NRG2: variants seen among roughly 807,000 people sequenced by gnomAD.
The protein encoded by NRG2 is pro-neuregulin-2, membrane-bound isoform.
A neutral mutation model predicts 73.9 loss-of-function variants in NRG2; 27 were observed. The observed-to-expected ratio is 0.37, with a 90% confidence interval of 0.27 to 0.50. NRG2 has a LOEUF of 0.50. NRG2 is among the 20% of genes least tolerant of loss of function. The pLI, the probability that NRG2 is intolerant of heterozygous loss-of-function variation, is 0.96. For missense variants in NRG2, 1,126 were observed against 1,210.1 expected, an observed-to-expected ratio of 0.93 and a Z score of 1.03; for synonymous variants, 532 against 541.0, an observed-to-expected ratio of 0.98 and a Z score of 0.23.
rs943144791 is a variant in NRG2, at chr5:139,871,705, C to T, written c.1112+16G>A. The T allele has an allele frequency of 2.7e-5, 44 of 1,613,646 alleles. No homozygotes were observed. The highest frequency in any genetic ancestry group is 3.6e-5 in the Non-Finnish European group (43 of 1,179,784). On this transcript the variant is annotated intron_variant, in intron 4 of 9. Coordinates refer to ENST00000361474, the MANE Select transcript of NRG2 (RefSeq NM_004883.3). ...CCCTGTTCTTGCTCCCATGCCCACCCCTACTGGTCACTTACTTGCAGGAGA... is the reference window on the plus strand; with the variant it reads ...CCCTGTTCTTGCTCCCATGCCCACCTCTACTGGTCACTTACTTGCAGGAGA...
intron 5 of NRG2, among the ~76,000 whole-genome samples, chr5:139,858,887 C>G (rs1761967947): frequency 2.0e-5 from 3 of 152,198 alleles, no homozygotes; most frequent in Admixed American, 2.0e-4. Flanking sequence ...CTCTTACACA[C>G]AAACTTTGCA....
intron 1 of NRG2, among the ~76,000 whole-genome samples, chr5:140,000,350 G>C (rs1163157139): frequency 6.6e-6 from 1 of 152,122 alleles, no homozygotes; most frequent in Admixed American, 6.6e-5. Flanking sequence ...TCCCTTCCTC[G>C]AGCTTTTGCA....
intron 1 of NRG2, among the ~76,000 whole-genome samples, chr5:140,015,375 T>C (rs10477266): frequency 0.021 from 3,153 of 152,246 alleles, 114 homozygotes; most frequent in African/African-American, 0.068. Context: ...TAGCACATGA[T>C]AGATGCCTAC....
chr5:139,886,064 A>C (rs1398464542), intron 2 of NRG2, among the ~76,000 whole-genome samples: 1 of 152,004 alleles, frequency 6.6e-6, no homozygotes, highest in Non-Finnish European at 1.5e-5. Flanking sequence ...GGACATATAG[A>C]ACCCCCCACT....
At chr5:139,876,013 T>C (rs2127087985) in intron 3 of NRG2, among the ~76,000 whole-genome samples, 1 of 152,324 alleles carries the variant, frequency 6.6e-6, no homozygotes, top group East Asian at 1.9e-4. Context: ...TGAAAACCTA[T>C]GCTCACACAA....
intron 1 of NRG2, among the ~76,000 whole-genome samples, chr5:140,011,979 T>A (rs1345156881): frequency 1.3e-5 from 2 of 152,152 alleles, no homozygotes; most frequent in African/African-American, 2.4e-5. Context: ...TACTACTTAA[T>A]ACAGCCCCCA....
In NRG2 at chr5:139,884,202, T is replaced by C. The variant is rs1344417209; in HGVS notation, c.872+3138A>G. Among the ~76,000 whole-genome samples the C allele has an allele frequency of 2.6e-5, 4 of 152,140 alleles. No homozygotes were observed. In the East Asian group the frequency reaches 7.7e-4, roughly 29 times the overall value. ...TGCTGGAAGGAGAGACAGATCCCTC[T>C]ACAAAGCAATGAAGCCATGTCTAAG... is the stretch of plus-strand genomic sequence containing the variant. On this transcript the variant is annotated intron_variant, in intron 2 of 9. Transcript: ENST00000361474.
chr5:140,043,029 A>G lies in NRG2; in HGVS notation c.41T>C (p.Leu14Pro), dbSNP rs1282039940. 4 of 1,537,834 alleles carry G rather than the reference A, an allele frequency of 2.6e-6. No homozygotes were observed. The highest frequency in any genetic ancestry group is 1.4e-5 in the African/African-American group (1 of 72,830). ...VCCSALPPPP[L>P]EKGRCSSYSD... ...GTAGCTGCTGCACCGACCCTTCTCC[A>G]GTGGCGGCGGCGGCAGCGCTGAGCA... Residue 14 changes from leucine to proline, a missense_variant, in exon 1 of 10, where the codon CTG becomes CCG. Transcript: ENST00000361474. This position sits in a 1 kb window ranked among gnomAD's most constrained non-coding sequence, Gnocchi z 6.7.
Position 139,852,974 on chromosome 5 carries a change from T to G in NRG2, c.1346A>C (p.His449Pro). ...NHLRQNMCPA[H>P]QNRSLANGPS... ...CCCATTGGCCAAGCTCCGGTTCTGATGGGCCGGGCACATGTTCTGCCGGAG... is the reference window on the plus strand; with the variant it reads ...CCCATTGGCCAAGCTCCGGTTCTGAGGGGCCGGGCACATGTTCTGCCGGAG... Residue 449 changes from histidine to proline, a missense_variant, in exon 7 of 10, where the codon CAT becomes CCT. His to Pro is a moderately conservative substitution (Grantham distance 77). This residue lies in a region of NRG2 where 539 missense variants were observed against 703.2 expected (regional missense o/e 0.77). Transcript: ENST00000361474. The surrounding 1 kb of genome is among the most constrained non-coding windows in gnomAD (Gnocchi z 4.4). 1 of 1,613,254 alleles carries G rather than the reference T, an allele frequency of 6.2e-7. No individual in the cohort carries two copies. Among genetic ancestry groups the G allele is most frequent in the South Asian group, 1.1e-5 (1 of 90,936 alleles).
intron 1 of NRG2, among the ~76,000 whole-genome samples, chr5:139,903,359 T>C (rs1765009742): frequency 6.6e-6 from 1 of 152,194 alleles, no homozygotes; most frequent in African/African-American, 2.4e-5. Context: ...AGGATTGTTA[T>C]GAGGATTAAA....
chr5:139,899,445 G>T (rs542081707), intron 1 of NRG2, among the ~76,000 whole-genome samples: 2 of 152,302 alleles, frequency 1.3e-5, no homozygotes, highest in Admixed American at 1.3e-4. Context: ...GGCTCCATAG[G>T]ACCAGATATC....
chr5:139,981,392 G>A (rs1005761630), intron 1 of NRG2, among the ~76,000 whole-genome samples: 1 of 152,218 alleles, frequency 6.6e-6, no homozygotes, highest in Non-Finnish European at 1.5e-5. Flanking sequence ...CCTCCCAGCA[G>A]CCATGGCCCT....
chr5:139,919,243 C>G (rs896698656), intron 1 of NRG2, among the ~76,000 whole-genome samples: 1 of 152,014 alleles, frequency 6.6e-6, no homozygotes, highest in Non-Finnish European at 1.5e-5. Flanking sequence ...CCCCATACAG[C>G]CTTGTATCAC....
intron 1 of NRG2, among the ~76,000 whole-genome samples, chr5:139,891,318 G>A (rs1183418130): frequency 6.6e-6 from 1 of 152,196 alleles, no homozygotes; most frequent in Non-Finnish European, 1.5e-5. Flanking sequence ...AATTCAGAGG[G>A]CCTGAGGAAC....
chr5:139,928,335 C>T (rs1752214880), intron 1 of NRG2, among the ~76,000 whole-genome samples: 1 of 152,180 alleles, frequency 6.6e-6, no homozygotes, highest in African/African-American at 2.4e-5. Context: ...CACCTTCTTC[C>T]TGAAATTCCT....
intron 1 of NRG2, among the ~76,000 whole-genome samples, chr5:139,920,322 A>G (rs12163954): frequency 0.071 from 10,814 of 152,262 alleles, 443 homozygotes; most frequent in Non-Finnish European, 0.087. Context: ...TAGAACAGAG[A>G]TAAGTGTTTA....
intron 1 of NRG2, among the ~76,000 whole-genome samples, chr5:139,983,471 A>ACTC (rs1206339650): frequency 2.6e-5 from 4 of 151,826 alleles, no homozygotes; most frequent in African/African-American, 9.7e-5. Context: ...GCTCTACCAA[A>ACTC]CTCCATGTGC....
chr5:139,876,625 GCTGCGTCCCCGA>G (rs1285660678), intron 3 of NRG2, among the ~76,000 whole-genome samples: 2 of 152,068 alleles, frequency 1.3e-5, no homozygotes, highest in Non-Finnish European at 2.9e-5. Context: ...CTGCTGTGGA[GCTGCGTCCCCGA>G]CTGCCCACAA....
chr5:139,997,942 C>T (rs986226937), intron 1 of NRG2, among the ~76,000 whole-genome samples: 2 of 152,204 alleles, frequency 1.3e-5, no homozygotes, highest in African/African-American at 4.8e-5. Flanking sequence ...AATTAGGAAG[C>T]TTTTGTTAAA....
Sources: allele counts gnomAD v4.1 joint callset (sites outside exome capture counted in the v4.1 genomes callset), GRCh38; gene constraint gnomAD v4.1.1; regional missense constraint gnomAD v4.1.1; non-coding constraint Gnocchi (gnomAD v3.1); transcripts MANE v1.5; gene names NCBI Gene and HGNC (gene_info 2026-07-23, HGNC 2026-07-21).